Variants in TMEM178B observed in about 807,000 individuals in gnomAD.
TMEM178B encodes the protein transmembrane protein 178B.
TMEM178B carries 5 observed loss-of-function variants against 31.0 expected under a neutral mutation model. The ratio of observed to expected loss-of-function variants is 0.16; its 90% confidence interval spans 0.08 to 0.34. The LOEUF is 0.34. Ranked by LOEUF, TMEM178B falls within the 10% of genes least tolerant of loss-of-function variation. The pLI is 1.00. For synonymous variants in TMEM178B, 164 were observed against 164.0 expected (o/e 1.00, Z 0.00); for missense variants, 275 against 400.3 (o/e 0.69, Z 2.67).
intron 2 of TMEM178B, among the ~76,000 whole-genome samples, chr7:141,391,588 A>G (rs760900929): frequency 4.6e-5 from 7 of 152,180 alleles, no homozygotes; most frequent in Non-Finnish European, 1.0e-4. Flanking sequence ...AGTGGTCTTA[A>G]GCACATTCAC....
chr7:141,199,643 A>G (rs920867423), intron 1 of TMEM178B, among the ~76,000 whole-genome samples: 3 of 151,910 alleles, frequency 2.0e-5, no homozygotes, highest in Middle Eastern at 3.2e-3. Flanking sequence ...CTGGAGTGCC[A>G]TGGTGCCATC....
At chr7:141,112,477 C>G (rs1395235765) in intron 1 of TMEM178B, among the ~76,000 whole-genome samples, 2 of 152,166 alleles carry the variant, frequency 1.3e-5, no homozygotes, top group Non-Finnish European at 2.9e-5. Context: ...TGGTCTCAAA[C>G]TTGTGGACTC....
intron 1 of TMEM178B, among the ~76,000 whole-genome samples, chr7:141,161,076 T>C (rs112224696): frequency 4.6e-4 from 70 of 152,182 alleles, no homozygotes; most frequent in Non-Finnish European, 9.3e-4. Flanking sequence ...AGGCTGGTCT[T>C]GAACTCCTGA....
chr7:141,405,567 G>A (rs1192388206), intron 2 of TMEM178B, among the ~76,000 whole-genome samples: 1 of 152,208 alleles, frequency 6.6e-6, no homozygotes. Flanking sequence ...ACAAGTGTGA[G>A]GATTAATTAT....
chr7:141,274,618 C>T (rs1798237517), intron 2 of TMEM178B, among the ~76,000 whole-genome samples: 4 of 152,200 alleles, frequency 2.6e-5, no homozygotes, highest in African/African-American at 7.2e-5. Context: ...ACCCAATCTG[C>T]AGGTCCAAGC....
intron 1 of TMEM178B, among the ~76,000 whole-genome samples, chr7:141,101,123 A>T (rs1025188118): frequency 2.0e-5 from 3 of 152,182 alleles, no homozygotes. Flanking sequence ...ATTCTTTCAG[A>T]TATATCCTCT....
At chr7:141,340,531 C>T (rs1041570268) in intron 2 of TMEM178B, among the ~76,000 whole-genome samples, 1 of 152,124 alleles carries the variant, frequency 6.6e-6, no homozygotes, top group African/African-American at 2.4e-5. Context: ...ATGCTTCTTT[C>T]AATTTTTGTC....
intron 1 of TMEM178B, among the ~76,000 whole-genome samples, chr7:141,155,708 C>T (rs1796058025): frequency 6.6e-6 from 1 of 152,092 alleles, no homozygotes; most frequent in Non-Finnish European, 1.5e-5. Flanking sequence ...CAGGCAGGGC[C>T]ATTTTCTTTT....
At chr7:141,502,813 G>C in the TMEM178B span, among the ~76,000 whole-genome samples, 1 of 151,962 alleles carries the variant, frequency 6.6e-6, no homozygotes, top group African/African-American at 2.4e-5. Flanking sequence ...GCCATTACTG[G>C]CACAACATAA....
chr7:141,317,508 C>T (rs1799025786), intron 2 of TMEM178B, among the ~76,000 whole-genome samples: 1 of 152,146 alleles, frequency 6.6e-6, no homozygotes, highest in Non-Finnish European at 1.5e-5. Flanking sequence ...ACAGGTGGCA[C>T]TAGCGCTAGA....
chr7:141,159,730 T>C (rs1796137661), intron 1 of TMEM178B, among the ~76,000 whole-genome samples: 1 of 152,068 alleles, frequency 6.6e-6, no homozygotes, highest in African/African-American at 2.4e-5. Flanking sequence ...ATTTCACTTA[T>C]ATGAGATAGA....
chr7:141,208,304 A>C (rs7805383), intron 1 of TMEM178B, among the ~76,000 whole-genome samples: 97,192 of 152,042 alleles, frequency 0.64, 31,676 homozygotes, highest in Middle Eastern at 0.7. Context: ...TTCTAGAGGG[A>C]GAGCAGAGAC....
intron 2 of TMEM178B, among the ~76,000 whole-genome samples, chr7:141,317,302 C>A (rs1799022326): frequency 6.6e-6 from 1 of 152,060 alleles, no homozygotes; most frequent in South Asian, 2.1e-4. Context: ...GGGAGGTTGC[C>A]TTCTGAGTCA....
At chr7:141,090,404 A>G (rs750960461) in intron 1 of TMEM178B, among the ~76,000 whole-genome samples, 5 of 152,006 alleles carry the variant, frequency 3.3e-5, no homozygotes, top group Non-Finnish European at 5.9e-5. Context: ...CTCAGCATCC[A>G]TTTCCAAGTT....
chr7:141,160,073 C>A (rs1009540943), intron 1 of TMEM178B, among the ~76,000 whole-genome samples: 4 of 147,538 alleles, frequency 2.7e-5, no homozygotes, highest in Non-Finnish European at 6.0e-5. Context: ...TATATAATTT[C>A]AATTGTTTTT....
At chr7:141,081,621 A>G (rs1477701997) in intron 1 of TMEM178B, among the ~76,000 whole-genome samples, 4 of 151,904 alleles carry the variant, frequency 2.6e-5, no homozygotes, top group Admixed American at 1.3e-4. Context: ...GGGTAACAAT[A>G]GTGAAACTCC....
intron 1 of TMEM178B, among the ~76,000 whole-genome samples, chr7:141,179,620 T>G (rs1440444072): frequency 6.6e-6 from 1 of 152,348 alleles, no homozygotes; most frequent in Admixed American, 6.5e-5. Flanking sequence ...GAATTTAAAC[T>G]GACCTTTACA....
At chr7:141,293,566 TGGAAAAA>T (rs1245619170) in intron 2 of TMEM178B, among the ~76,000 whole-genome samples, 2 of 151,618 alleles carry the variant, frequency 1.3e-5, no homozygotes, top group Non-Finnish European at 2.9e-5. Context: ...GCAGAGGAAA[TGGAAAAA>T]AGAAAAGGAA....
At chr7:141,166,358 G>A (rs1031609587) in intron 1 of TMEM178B, among the ~76,000 whole-genome samples, 3 of 152,242 alleles carry the variant, frequency 2.0e-5, no homozygotes, top group Non-Finnish European at 4.4e-5. Flanking sequence ...TTTCCTCTGT[G>A]TCGGAATCCC....
Sources: allele counts gnomAD v4.1 joint callset (sites outside exome capture counted in the v4.1 genomes callset), GRCh38; gene constraint gnomAD v4.1.1; transcripts MANE v1.5; gene names NCBI Gene and HGNC (gene_info 2026-07-23, HGNC 2026-07-21).